BNC2: variants seen among roughly 807,000 people sequenced by gnomAD.
The protein encoded by BNC2 is basonuclin zinc finger protein 2.
In BNC2, 20 loss-of-function variants were observed where a neutral mutation model predicts 76.3. That is an observed-to-expected ratio of 0.26 (90% CI 0.18 to 0.38). The LOEUF (loss-of-function observed/expected upper bound fraction) is 0.38, where lower values mean the gene tolerates loss of function less well. BNC2 is among the 10% of genes least tolerant of loss of function. The pLI is 1.00. For synonymous variants in BNC2, 582 were observed against 514.8 expected (o/e 1.13, Z -1.77); for missense variants, 1,382 against 1,399.8 (o/e 0.99, Z 0.20).
chr9:16,755,778 C>G (rs1825367703), intron 1 of BNC2, among the ~76,000 whole-genome samples: 1 of 152,182 alleles, frequency 6.6e-6, no homozygotes, highest in Non-Finnish European at 1.5e-5. Flanking sequence ...CGCTGCCTAC[C>G]TCAGTAAATG....
intron 3 of BNC2, among the ~76,000 whole-genome samples, chr9:16,711,320 G>T (rs537491990): frequency 6.6e-6 from 1 of 152,296 alleles, no homozygotes; most frequent in African/African-American, 2.4e-5. Flanking sequence ...TCTGGCTGTG[G>T]TTGATTTGGG....
intron 3 of BNC2, among the ~76,000 whole-genome samples, chr9:16,660,629 G>A (rs904633128): frequency 6.6e-6 from 1 of 152,004 alleles, no homozygotes; most frequent in Non-Finnish European, 1.5e-5. Context: ...GGACAAAAAG[G>A]GGGAAAAACT....
chr9:16,426,119 A>C (rs1026785642), intron 6 of BNC2, among the ~76,000 whole-genome samples: 4 of 152,214 alleles, frequency 2.6e-5, no homozygotes, highest in African/African-American at 9.7e-5. Flanking sequence ...TTGTTGGGTA[A>C]GAAAAAGCAA....
intron 3 of BNC2, among the ~76,000 whole-genome samples, chr9:16,600,906 T>A (rs975055237): frequency 6.6e-6 from 1 of 152,116 alleles, no homozygotes; most frequent in African/African-American, 2.4e-5. Context: ...CAACAAAGGG[T>A]AGAAATGTAA....
At chr9:16,787,351 C>T (rs1011890686) in intron 1 of BNC2, among the ~76,000 whole-genome samples, 2 of 152,174 alleles carry the variant, frequency 1.3e-5, no homozygotes, top group East Asian at 1.9e-4. Context: ...TTTCCTAAGT[C>T]GGCCTGGTGC....
At chr9:16,822,525 G>T (rs1440861063) in intron 1 of BNC2, among the ~76,000 whole-genome samples, 1 of 152,052 alleles carries the variant, frequency 6.6e-6, no homozygotes, top group Admixed American at 6.6e-5. Context: ...GGCCTTTAAG[G>T]AAAAAATTTA....
chr9:16,498,260 C>CATAT (rs1452624832), intron 5 of BNC2, among the ~76,000 whole-genome samples: 5 of 115,008 alleles, frequency 4.3e-5, no homozygotes, highest in East Asian at 5.8e-4. Flanking sequence ...TATATTCCAT[C>CATAT]ATATATATAT....
intron 3 of BNC2, among the ~76,000 whole-genome samples, chr9:16,589,259 C>T (rs1296670038): frequency 6.6e-6 from 1 of 152,052 alleles, no homozygotes; most frequent in Non-Finnish European, 1.5e-5. Flanking sequence ...AATCTCGGCT[C>T]ACTGCAACCT....
chr9:16,543,378 T>C (rs1818382767), intron 5 of BNC2, among the ~76,000 whole-genome samples: 1 of 152,174 alleles, frequency 6.6e-6, no homozygotes, highest in African/African-American at 2.4e-5. Context: ...ACAAGAAGGA[T>C]GTATGAGTGC....
chr9:16,694,977 G>A (rs1048578712), intron 3 of BNC2, among the ~76,000 whole-genome samples: 26 of 152,110 alleles, frequency 1.7e-4, no homozygotes, highest in African/African-American at 4.8e-4. Flanking sequence ...ATGTAAACCC[G>A]TCCTACCAGT....
chr9:16,629,300 A>G (rs1821092196), intron 3 of BNC2, among the ~76,000 whole-genome samples: 1 of 152,190 alleles, frequency 6.6e-6, no homozygotes, highest in African/African-American at 2.4e-5. Context: ...TGTGTGAATA[A>G]TTTTCGTTTT....
chr9:16,608,662 A>T (rs1820452231), intron 3 of BNC2, among the ~76,000 whole-genome samples: 1 of 152,036 alleles, frequency 6.6e-6, no homozygotes, highest in African/African-American at 2.4e-5. Context: ...CACACTGTAC[A>T]TTTCCAAAAT....
intron 1 of BNC2, among the ~76,000 whole-genome samples, chr9:16,769,385 G>A (rs1188628880): frequency 6.6e-6 from 1 of 152,144 alleles, no homozygotes; most frequent in Non-Finnish European, 1.5e-5. Flanking sequence ...GGTTAAAGAA[G>A]AAGGATCATT....
At chr9:16,502,255 T>G (rs530299920) in intron 5 of BNC2, among the ~76,000 whole-genome samples, 13 of 152,272 alleles carry the variant, frequency 8.5e-5, no homozygotes, top group Admixed American at 4.6e-4. Context: ...TGCTAGCTAC[T>G]TGGAAGGATC....
intron 1 of BNC2, among the ~76,000 whole-genome samples, chr9:16,793,619 C>T: frequency 6.7e-6 from 1 of 148,732 alleles, no homozygotes; most frequent in East Asian, 2.0e-4. Flanking sequence ...GATTTCGATC[C>T]CACCCAAAGG....
intron 3 of BNC2, among the ~76,000 whole-genome samples, chr9:16,621,419 A>G (rs1316127763): frequency 6.6e-6 from 1 of 152,170 alleles, no homozygotes; most frequent in Non-Finnish European, 1.5e-5. Context: ...ACGAAGGAAA[A>G]AAGTCTACAA....
intron 1 of BNC2, among the ~76,000 whole-genome samples, chr9:16,756,555 G>T (rs1329119427): frequency 2.6e-5 from 4 of 152,246 alleles, no homozygotes; most frequent in South Asian, 2.1e-4. Context: ...TGTAAGATTT[G>T]ATCTCTGCCA....
At chr9:16,614,117 C>T (rs115154240) in intron 3 of BNC2, among the ~76,000 whole-genome samples, 181 of 152,294 alleles carry the variant, frequency 1.2e-3, no homozygotes, top group African/African-American at 3.7e-3. Context: ...CAGAAATTAA[C>T]GCTTGGGATT....
chr9:16,701,769 C>G (rs1348900469), intron 3 of BNC2, among the ~76,000 whole-genome samples: 1 of 151,480 alleles, frequency 6.6e-6, no homozygotes, highest in Non-Finnish European at 1.5e-5. Flanking sequence ...AGGTGAAACC[C>G]CGTCTCTACT....
Sources: allele counts gnomAD v4.1 joint callset (sites outside exome capture counted in the v4.1 genomes callset), GRCh38; gene constraint gnomAD v4.1.1; transcripts MANE v1.5; gene names NCBI Gene and HGNC (gene_info 2026-07-23, HGNC 2026-07-21).